PHKB: variants seen among roughly 807,000 people sequenced by gnomAD.
PHKB encodes phosphorylase kinase regulatory subunit beta.
Under a neutral mutation model 152.1 loss-of-function variants are expected in PHKB, and 122 were observed. The ratio of observed to expected loss-of-function variants is 0.80; its 90% CI spans 0.69 to 0.93. The LOEUF (loss-of-function observed/expected upper bound fraction) is 0.93, where lower values mean the gene tolerates loss of function less well. Among genes scored for constraint, PHKB ranks in the 40% least tolerant of loss-of-function variants. PHKB has a pLI of 0.00. For missense variants in PHKB, 1,304 were observed against 1,328.4 expected (o/e 0.98, Z 0.29); for synonymous variants, 436 against 464.9 (o/e 0.94, Z 0.80).
intron 5 of PHKB, among the ~76,000 whole-genome samples, chr16:47,513,337 T>C (rs1014611039): frequency 6.6e-6 from 1 of 152,210 alleles, no homozygotes; most frequent in African/African-American, 2.4e-5. Context: ...GTCAATGCTG[T>C]AAGAGAACAT....
chr16:47,514,005 CTT>C (rs1970553684), intron 5 of PHKB, among the ~76,000 whole-genome samples: 1 of 152,182 alleles, frequency 6.6e-6, no homozygotes, highest in Non-Finnish European at 1.5e-5. Flanking sequence ...CAAAAAGAAA[CTT>C]TGTATTCCCT....
At chr16:47,484,514 TC>T (rs1970018091) in intron 1 of PHKB, among the ~76,000 whole-genome samples, 1 of 152,096 alleles carries the variant, frequency 6.6e-6, no homozygotes, top group Admixed American at 6.6e-5. Flanking sequence ...TTTGGAGCAA[TC>T]TCCTGTTTAA....
intron 1 of PHKB, among the ~76,000 whole-genome samples, chr16:47,492,674 A>G (rs1260979893): frequency 6.6e-6 from 1 of 152,168 alleles, no homozygotes; most frequent in Non-Finnish European, 1.5e-5. Context: ...CTTCCGTCAC[A>G]AAAAAGAAAG....
chr16:47,484,064 G>A (rs1184619204), intron 1 of PHKB, among the ~76,000 whole-genome samples: 1 of 152,088 alleles, frequency 6.6e-6, no homozygotes, highest in Non-Finnish European at 1.5e-5. Flanking sequence ...CAAAATCATA[G>A]TATATTATGG....
intron 14 of PHKB, among the ~76,000 whole-genome samples, chr16:47,637,811 G>A (rs1972948018): frequency 6.6e-6 from 1 of 152,168 alleles, no homozygotes; most frequent in Non-Finnish European, 1.5e-5. Flanking sequence ...TAAACTGGGT[G>A]GCATATCAAC....
chr16:47,632,796 T>C (rs1392380401), intron 14 of PHKB, among the ~76,000 whole-genome samples: 2 of 150,850 alleles, frequency 1.3e-5, no homozygotes, highest in Non-Finnish European at 2.9e-5. Flanking sequence ...TGTATTACAC[T>C]GTTTTATTTA....
intron 16 of PHKB, 149 bp downstream of exon 16, chr16:47,641,841 A>T (rs959063817): frequency 1.5e-6 from 1 of 661,164 alleles, no homozygotes; most frequent in Non-Finnish European, 2.7e-6. Context: ...TGAGAAGTCC[A>T]CTTTAATGGA....
At chr16:47,598,321 G>A (rs1972159260) in intron 13 of PHKB, among the ~76,000 whole-genome samples, 1 of 152,066 alleles carries the variant, frequency 6.6e-6, no homozygotes, top group East Asian at 1.9e-4. Context: ...ATTAAATGAT[G>A]TATTGAACAT....
At chr16:47,565,983 G>T in intron 7 of PHKB, 1 of 784,280 alleles carries the variant, frequency 1.3e-6, no homozygotes, top group South Asian at 1.7e-5. Flanking sequence ...GGAGCTCTAT[G>T]ACCGATCATC....
intron 7 of PHKB, among the ~76,000 whole-genome samples, chr16:47,569,812 A>T (rs1219286426): frequency 2.6e-5 from 4 of 152,070 alleles, no homozygotes; most frequent in Non-Finnish European, 5.9e-5. Context: ...AGTAAAGACG[A>T]TGTTTCACCC....
chr16:47,667,230 G>A (rs778236711), intron 25 of PHKB, among the ~76,000 whole-genome samples: 6 of 151,738 alleles, frequency 4.0e-5, no homozygotes, highest in Non-Finnish European at 7.4e-5. Context: ...CCAGGAATTC[G>A]AGACCAGCCT....
chr16:47,499,484 T>TTAC (rs1476279208), intron 2 of PHKB, among the ~76,000 whole-genome samples: 5 of 152,242 alleles, frequency 3.3e-5, no homozygotes, highest in African/African-American at 1.2e-4. Flanking sequence ...CTAACACACA[T>TTAC]TGACATTACT....
chr16:47,568,077 C>T (rs1012982991), intron 7 of PHKB, among the ~76,000 whole-genome samples: 1 of 152,022 alleles, frequency 6.6e-6, no homozygotes. Context: ...GGGAATCCTG[C>T]TCTGTCTTTT....
chr16:47,593,203 G>A (rs976841094), intron 10 of PHKB, among the ~76,000 whole-genome samples: 1 of 144,414 alleles, frequency 6.9e-6, no homozygotes, highest in African/African-American at 2.5e-5. Context: ...GAGAGAGAGA[G>A]AGGGAGAAAG....
At chr16:47,641,726 G>C (rs1321001483) in intron 16 of PHKB, 34 bp downstream of exon 16, 1 of 1,131,204 alleles carries the variant, frequency 8.8e-7, no homozygotes, top group African/African-American at 1.5e-5. Flanking sequence ...TCCTTACTTT[G>C]TAGAGGTACT....
At chr16:47,483,034 CTT>C (rs35429055) in intron 1 of PHKB, among the ~76,000 whole-genome samples, 2 of 91,840 alleles carry the variant, frequency 2.2e-5, no homozygotes, top group African/African-American at 4.0e-5. Flanking sequence ...TAAATAATTT[CTT>C]TTTTTTTTTT....
intron 6 of PHKB, among the ~76,000 whole-genome samples, chr16:47,542,612 T>G (rs1164303327): frequency 2.0e-5 from 3 of 152,212 alleles, no homozygotes; most frequent in African/African-American, 4.8e-5. Context: ...TTTCACAATA[T>G]TGATTCTTCC....
chr16:47,473,503 G>A (rs1306673534), intron 1 of PHKB, among the ~76,000 whole-genome samples: 1 of 151,612 alleles, frequency 6.6e-6, no homozygotes. Context: ...TTTATTATTT[G>A]TTACCTTTTT....
Position 47,663,661 on chromosome 16 carries a change from A to G in PHKB, c.2279-16A>G, listed in dbSNP as rs1567346695. 1 of 1,606,990 alleles carries G rather than the reference A, an allele frequency of 6.2e-7. No homozygotes were observed. The highest frequency in any genetic ancestry group is 8.5e-7 in the Non-Finnish European group (1 of 1,173,780). On this transcript the variant is annotated splice_polypyrimidine_tract_variant and intron_variant, in intron 23 of 30. Transcript: ENST00000323584. ...AAAAGCTTTGTTCAACAAAGACTCT[A>G]TTATCCAATGTCTAGGTACCGTTTC... is the stretch of plus-strand genomic sequence containing the variant.
Sources: gnomAD v4.1 joint callset for allele counts (sites outside exome capture counted in the v4.1 genomes callset) on GRCh38, gnomAD v4.1.1 for gene constraint, MANE v1.5 for transcripts, NCBI Gene and HGNC (gene_info 2026-07-23, HGNC 2026-07-21) for gene names.